Variants in TINAGL1 observed in about 807,000 individuals in gnomAD.
TINAGL1 encodes the protein tubulointerstitial nephritis antigen like 1.
A neutral mutation model predicts 62.0 loss-of-function variants in TINAGL1; 34 were observed. The observed-to-expected ratio is 0.55, with a 90% CI of 0.42 to 0.73. The LOEUF is 0.73. TINAGL1 is among the 30% of genes least tolerant of loss of function. The pLI is 0.00. For missense variants in TINAGL1, 516 were observed against 653.2 expected (o/e 0.79, Z 2.29); for synonymous variants, 221 against 249.7 (o/e 0.88, Z 1.08).
chr1:31,586,608 C>T, intron 10 of TINAGL1, 102 bp from the exon 11 acceptor site: 2 of 1,421,956 alleles, frequency 1.4e-6, no homozygotes, highest in Non-Finnish European at 1.9e-6. Context: ...GTACCCAACC[C>T]TCCAAAGGCA....
chr1:31,580,331 G>A (rs1359012550), intron 3 of TINAGL1: 28 of 1,279,462 alleles, frequency 2.2e-5, no homozygotes, highest in Non-Finnish European at 2.9e-5. Flanking sequence ...GGCCCTGCCT[G>A]GACCTGTGTG....
rs113639076 is a variant in TINAGL1 at position 31,586,928 on chromosome 1, C to A, written c.1353C>A (p.Phe451Leu). Residue 451 changes from phenylalanine (F) to leucine (L), a missense_variant, in exon 12 of 12, where the codon TTC becomes TTA. Coordinates refer to ENST00000271064, the MANE Select transcript of TINAGL1 (RefSeq NM_022164.3). ...TCAATGAGTGCGACATCGAGAGCTT[C>A]GTGCTGGGCGTCTGGGGCCGCGTGG... ...RGVNECDIES[F>L]VLGVWGRVGM... is the part of the protein sequence containing the mutation. 20,010 of 1,536,880 alleles carry A rather than the reference C, an allele frequency of 0.013. 159 individuals carry two copies. The highest frequency in any genetic ancestry group is 0.015 in the Non-Finnish European group (17,407 of 1,144,992).
Position 31,587,085 on chromosome 1 carries a change from G to T in TINAGL1, c.*106G>T. Reference sequence around the variant, plus strand: ...AGCCTCGCCCGACAGAGCCCGGGGCGCAGGCGGGCGCCAGGGCGCTAATCC... The same window carrying T: ...AGCCTCGCCCGACAGAGCCCGGGGCTCAGGCGGGCGCCAGGGCGCTAATCC... On this transcript the variant is annotated 3_prime_UTR_variant, in exon 12 of 12. Transcript: ENST00000271064. 3.0e-6 allele frequency: 4 copies of T among 1,323,212 alleles called. No individual in the cohort carries two copies. The highest frequency in any genetic ancestry group is 2.9e-6 in the Non-Finnish European group (3 of 1,041,014). The allele number at this position is 1,323,212 out of a possible 1,614,324, so 82.0% of individuals were successfully genotyped here. A position where few individuals can be genotyped will look rare whatever the true frequency, so the allele number is the denominator to read the frequency against.
rs771890329 is a variant in TINAGL1 at position 31,585,849 on chromosome 1, A to G, written c.1190A>G (p.His397Arg). 2 of 1,603,864 alleles carry G rather than the reference A, an allele frequency of 1.2e-6. No individual in the cohort carries two copies. Among genetic ancestry groups the G allele is most frequent in the South Asian group, 2.2e-5 (2 of 89,274 alleles). Residue 397 changes from histidine (H) to arginine (R), a missense_variant, in exon 10 of 12, where the codon CAT becomes CGT. Physicochemically the swap from His to Arg is conservative, Grantham distance 29. Transcript: ENST00000271064. This position sits in a 1 kb window ranked among gnomAD's most constrained non-coding sequence, Gnocchi z 4.3. ...SLGRPERYRRHGTHSVKITGW... is the reference protein window; with the variant it reads ...SLGRPERYRRRGTHSVKITGW... ...GGGAGGCCAGAGAGATACCGCCGGC[A>G]TGGGACCCACTCAGTCAAGATCACA...
chr1:31,581,545 G>A (rs779296288), intron 3 of TINAGL1, among the ~76,000 whole-genome samples: 13 of 152,180 alleles, frequency 8.5e-5, no homozygotes, highest in African/African-American at 1.9e-4. Flanking sequence ...CAGGCTTGTG[G>A]GAGGCAGACG....
Position 31,583,664 on chromosome 1 carries a change from C to A in TINAGL1, c.582+89C>A. The A allele has an allele frequency of 1.8e-6, 2 of 1,132,596 alleles. No homozygotes were observed. Among genetic ancestry groups the A allele is most frequent in the Non-Finnish European group, 2.6e-6 (2 of 782,050 alleles). The allele number at this position is 1,132,596 out of a possible 1,614,324, so 70.2% of individuals were successfully genotyped here. On this transcript the variant is annotated intron_variant, in intron 5 of 11. Coordinates refer to ENST00000271064, the MANE Select transcript of TINAGL1 (RefSeq NM_022164.3). The surrounding 1 kb of genome is among the most constrained non-coding windows in gnomAD (Gnocchi z 4.4). ...CCCTGTGCCCTGCTCCTCCAAGGGCCTGGACCATCCCCTACTACAAGGCTG... is the reference window on the plus strand; with the variant it reads ...CCCTGTGCCCTGCTCCTCCAAGGGCATGGACCATCCCCTACTACAAGGCTG...
chr1:31,585,425 T>C lies in TINAGL1; in HGVS notation c.1048-15T>C, dbSNP rs1269490641. ...ACCCCTGACGTATGCTCTCTGTCCA[T>C]CCCCTGCCCTCCAGGACAAGGAGAT... On this transcript the variant is annotated splice_polypyrimidine_tract_variant and intron_variant, in intron 8 of 11. Transcript: ENST00000271064. This position sits in a 1 kb window ranked among gnomAD's most constrained non-coding sequence, Gnocchi z 4.3. 2 of 1,613,886 alleles carry C rather than the reference T, an allele frequency of 1.2e-6. No homozygotes were observed. The highest frequency in any genetic ancestry group is 1.7e-4 in the Middle Eastern group (1 of 6,060).
Position 31,584,699 on chromosome 1 carries a change from G to T in TINAGL1, c.604G>T (p.Val202Leu), listed in dbSNP as rs758290419. ...GCAGACAGTGCTGAACCCAGGGGAG[G>T]TGCTTCCCACAGCCTTCGAGGCCTC... ...EIYTVLNPGE[V>L]LPTAFEASEK... The change falls in exon 6 of 12, where the codon GTG (valine) becomes TTG (leucine). Residue 202 changes from valine to leucine, a missense_variant. Transcript: ENST00000271064. This position sits in a 1 kb window ranked among gnomAD's most constrained non-coding sequence, Gnocchi z 4.0. 6.2e-7 allele frequency: 1 copy of T among 1,613,776 alleles called. No individual in the cohort carries two copies. Among genetic ancestry groups the T allele is most frequent in the Non-Finnish European group, 8.5e-7 (1 of 1,180,052 alleles).
chr1:31,586,278 G>A (rs761341299), intron 10 of TINAGL1: 28 of 312,548 alleles, frequency 9.0e-5, no homozygotes, highest in Non-Finnish European at 1.2e-4. Context: ...CAATGAACTC[G>A]GTGAAATGTG....
At chr1:31,578,657 G>GGTGTGTGT (rs10577315) in intron 2 of TINAGL1, among the ~76,000 whole-genome samples, 1 of 77,750 alleles carries the variant, frequency 1.3e-5, no homozygotes, top group African/African-American at 5.8e-5. Flanking sequence ...AGTGAGAGCT[G>GGTGTGTGT]GTGTGTGTGT....
At position 31,585,564 on chromosome 1, in the gene TINAGL1, C is replaced by A; in HGVS notation, c.1093+79C>A. 1 of 1,588,476 alleles carries A rather than the reference C, an allele frequency of 6.3e-7. No homozygotes were observed. Among genetic ancestry groups the A allele is most frequent in the Non-Finnish European group, 8.6e-7 (1 of 1,164,128 alleles). ...TGGGCACAGTAGCACAAGTGGCCTGCACAGCATTCAGCAGCATGTCCAGTA... is the reference window on the plus strand; with the variant it reads ...TGGGCACAGTAGCACAAGTGGCCTGAACAGCATTCAGCAGCATGTCCAGTA... On this transcript the variant is annotated intron_variant, in intron 9 of 11. Coordinates refer to ENST00000271064, the MANE Select transcript of TINAGL1 (RefSeq NM_022164.3). The surrounding 1 kb of genome is among the most constrained non-coding windows in gnomAD (Gnocchi z 4.3).
In TINAGL1 at chr1:31,585,330, T is replaced by C; in HGVS notation, c.1037T>C (p.Leu346Pro). ...DIYQVTPVYR[L>P]GSNDKEIMKE... Reference sequence around the variant, plus strand: ...TACCAGGTCACTCCTGTCTACCGCCTCGGCTCCAACGTAAGTCAGCACTTG... The same window carrying C: ...TACCAGGTCACTCCTGTCTACCGCCCCGGCTCCAACGTAAGTCAGCACTTG... The change falls in exon 8 of 12, where the codon CTC becomes CCC. Residue 346 changes from leucine to proline, a missense_variant. By Grantham distance (98) the Leu-to-Pro change is moderately conservative. Transcript: ENST00000271064. The surrounding 1 kb of genome is among the most constrained non-coding windows in gnomAD (Gnocchi z 4.3). The C allele has an allele frequency of 6.2e-7, 1 of 1,604,810 alleles. No individual in the cohort carries two copies. The highest frequency in any genetic ancestry group is 8.5e-7 in the Non-Finnish European group (1 of 1,174,318).
At position 31,584,511 on chromosome 1, in the gene TINAGL1, C is replaced by A; in HGVS notation, c.583-167C>A. Reference sequence around the variant, plus strand: ...GGGAGGCACTAAATGGTGCTTGGTTCTTCAACACAAGTCAAAATTGGAGGC... The same window carrying A: ...GGGAGGCACTAAATGGTGCTTGGTTATTCAACACAAGTCAAAATTGGAGGC... On this transcript the variant is annotated intron_variant, in intron 5 of 11. Transcript: ENST00000271064. The surrounding 1 kb of genome is among the most constrained non-coding windows in gnomAD (Gnocchi z 4.0). The A allele has an allele frequency of 9.8e-7, 1 of 1,020,100 alleles. No homozygotes were observed. The allele number at this position is 1,020,100 out of a possible 1,614,324, so 63.2% of individuals were successfully genotyped here. A position where few individuals can be genotyped will look rare whatever the true frequency, so the allele number is the denominator to read the frequency against.
chr1:31,580,236 T>A, intron 3 of TINAGL1: 4 of 984,250 alleles, frequency 4.1e-6, no homozygotes, highest in Non-Finnish European at 3.8e-6. Flanking sequence ...TGTCTCTCTC[T>A]GTCTCTCTCT....
At position 31,577,941 on chromosome 1, in the gene TINAGL1, C is replaced by T. The variant is rs933789815; in HGVS notation, c.310+483C>T. ...AATAGGAGAATCACTTGCGTTCCTT[C>T]CCACAGTTCCATGGGGCTTGGGCCG... On this transcript the variant is annotated intron_variant, in intron 2 of 11. Transcript: ENST00000271064. The surrounding 1 kb of genome is among the most constrained non-coding windows in gnomAD (Gnocchi z 5.4). Among the ~76,000 whole-genome samples the T allele has an allele frequency of 2.6e-5, 4 of 152,188 alleles. No homozygotes were observed. Among genetic ancestry groups the T allele is most frequent in the Admixed American group, 2.0e-4 (3 of 15,284 alleles).
Position 31,584,485 on chromosome 1 carries a change from T to G in TINAGL1, c.583-193T>G. On this transcript the variant is annotated intron_variant, in intron 5 of 11. Transcript: ENST00000271064. This position sits in a 1 kb window ranked among gnomAD's most constrained non-coding sequence, Gnocchi z 4.0. Reference sequence around the variant, plus strand: ...CCGCCCCGCCCCACCACCTGATACCTGGGAGGCACTAAATGGTGCTTGGTT... The same window carrying G: ...CCGCCCCGCCCCACCACCTGATACCGGGGAGGCACTAAATGGTGCTTGGTT... 12 of 524,648 alleles carry G rather than the reference T, an allele frequency of 2.3e-5. No homozygotes were observed. Among genetic ancestry groups the G allele is most frequent in the East Asian group, 1.4e-4 (3 of 21,322 alleles). The allele number at this position is 524,648 out of a possible 1,614,324, so 32.5% of individuals were successfully genotyped here.
Position 31,584,656 on chromosome 1 carries a change from C to G in TINAGL1, c.583-22C>G. On this transcript the variant is annotated intron_variant, in intron 5 of 11. Transcript: ENST00000271064. The surrounding 1 kb of genome is among the most constrained non-coding windows in gnomAD (Gnocchi z 4.0). ...AGGCCAGGGCAGAGCAGGAGGCAGA[C>G]AGGGCAACCTTTATCTTGCAGACAG... 1 of 1,612,592 alleles carries G rather than the reference C, an allele frequency of 6.2e-7. No individual in the cohort carries two copies. The highest frequency in any genetic ancestry group is 8.5e-7 in the Non-Finnish European group (1 of 1,179,980).
intron 3 of TINAGL1, chr1:31,580,518 C>A: frequency 7.8e-7 from 1 of 1,289,236 alleles, no homozygotes; most frequent in Non-Finnish European, 1.0e-6. Context: ...GGGGAACAGC[C>A]TGGTGTGCAG....
chr1:31,586,071 T>C lies in TINAGL1; in HGVS notation c.1217+195T>C, dbSNP rs1009496896. On this transcript the variant is annotated intron_variant, in intron 10 of 11. Transcript: ENST00000271064. The stretch of plus-strand genomic sequence containing the variant: ...TGAAGGTTGGGAGCCTCTGAAGGCT[T>C]TTTTAGGAACTGTTCCTTCCTTACA... The C allele has an allele frequency of 2.6e-5, 17 of 645,592 alleles. No individual in the cohort carries two copies. In the African/African-American group the frequency reaches 3.2e-4, roughly 12 times the overall value. 40.0% of individuals were successfully genotyped at this position (645,592 alleles called of 1,614,324 possible).
Sources: gnomAD v4.1 joint callset for allele counts (sites outside exome capture counted in the v4.1 genomes callset) on GRCh38, gnomAD v4.1.1 for gene constraint, Gnocchi (gnomAD v3.1) non-coding constraint, MANE v1.5 for transcripts, NCBI Gene and HGNC (gene_info 2026-07-23, HGNC 2026-07-21) for gene names.